Variants in SLC15A5 observed in about 807,000 individuals in gnomAD.
SLC15A5 encodes solute carrier family 15 member 5, also known as Peptide/histidine transporter ENSP00000340402.
SLC15A5 carries 58 observed loss-of-function variants against 56.1 expected under a neutral mutation model. The observed-to-expected ratio is 1.03, with a 90% CI of 0.84 to 1.29. SLC15A5 has a LOEUF of 1.29. Among genes scored for constraint, SLC15A5 ranks in the 50% most tolerant of loss-of-function variants. The pLI is 0.00. For missense variants in SLC15A5, 681 were observed against 672.1 expected (o/e 1.01, Z -0.15); for synonymous variants, 264 against 250.5 (o/e 1.05, Z -0.51).
chr12:16,189,312 C>T lies in SLC15A5; in HGVS notation c.*356G>A, dbSNP rs867109059. 6 of 158,630 alleles carry T rather than the reference C, an allele frequency of 3.8e-5. No homozygotes were observed. Among genetic ancestry groups the T allele is most frequent in the African/African-American group, 1.2e-4 (5 of 41,850 alleles). The allele number at this position is 158,630 out of a possible 1,614,324, so 9.8% of individuals were successfully genotyped here. ...AGTATATTAAAATACTGTCATTTTG[C>T]TTCTAATGACTCATTAAAACTCCAA... On this transcript the variant is annotated 3_prime_UTR_variant, in exon 9 of 9. Transcript: ENST00000344941.
At chr12:16,191,673 G>T (rs542503676) in intron 8 of SLC15A5, among the ~76,000 whole-genome samples, 1 of 151,992 alleles carries the variant, frequency 6.6e-6, no homozygotes, top group African/African-American at 2.4e-5. Context: ...GGAATCATGC[G>T]CTCCTCACTG....
At chr12:16,262,513 TAATGAAGAACATTA>T (rs1329146983) in intron 2 of SLC15A5, among the ~76,000 whole-genome samples, 2 of 152,218 alleles carry the variant, frequency 1.3e-5, no homozygotes, top group Non-Finnish European at 2.9e-5. Flanking sequence ...TTAAGAATTT[TAATGAAGAACATTA>T]AATGAAGAAC....
At chr12:16,255,090 G>A (rs1156724659) in intron 3 of SLC15A5, among the ~76,000 whole-genome samples, 6 of 151,982 alleles carry the variant, frequency 3.9e-5, no homozygotes, top group Admixed American at 3.9e-4. Flanking sequence ...ACATCACTAT[G>A]TACCTCGTAA....
At chr12:16,218,175 G>T (rs916790296) in intron 6 of SLC15A5, among the ~76,000 whole-genome samples, 3 of 152,130 alleles carry the variant, frequency 2.0e-5, no homozygotes, top group Non-Finnish European at 2.9e-5. Flanking sequence ...GATGCTAGAA[G>T]ATGGATACAG....
In SLC15A5 at chr12:16,189,334, C is replaced by T. The variant is rs995474819; in HGVS notation, c.*334G>A. The stretch of plus-strand genomic sequence containing the variant: ...TTGCTTCTAATGACTCATTAAAACT[C>T]CAAAAAAAAGGTCATACGCTTTCAA... On this transcript the variant is annotated 3_prime_UTR_variant, in exon 9 of 9. Coordinates refer to ENST00000344941, the MANE Select transcript of SLC15A5 (RefSeq NM_001170798.1). The T allele has an allele frequency of 3.6e-5, 6 of 165,572 alleles. No individual in the cohort carries two copies. Among genetic ancestry groups the T allele is most frequent in the Middle Eastern group, 2.6e-3 (1 of 380 alleles). 10.3% of individuals were successfully genotyped at this position (165,572 alleles called of 1,614,324 possible). A position where few individuals can be genotyped will look rare whatever the true frequency, so the allele number is the denominator to read the frequency against.
chr12:16,277,139 C>CACAA (rs1864828626), intron 1 of SLC15A5, among the ~76,000 whole-genome samples, 186 bp downstream of exon 1: 1 of 151,658 alleles, frequency 6.6e-6, no homozygotes. Context: ...AACACACACA[C>CACAA]ACACACACAC....
intron 6 of SLC15A5, among the ~76,000 whole-genome samples, chr12:16,218,284 A>G (rs1864150292): frequency 6.6e-6 from 1 of 152,200 alleles, no homozygotes; most frequent in African/African-American, 2.4e-5. Flanking sequence ...GAGTGGTTGA[A>G]TTACTGGATT....
chr12:16,191,971 C>T (rs1383471336), intron 8 of SLC15A5, among the ~76,000 whole-genome samples: 1 of 152,042 alleles, frequency 6.6e-6, no homozygotes, highest in South Asian at 2.1e-4. Flanking sequence ...TAGGAATTGT[C>T]AGAGAGCAAG....
rs749445395 is a variant in SLC15A5 at position 16,244,780 on chromosome 12, C to T, written c.775G>A (p.Val259Ile). The change falls in exon 4 of 9, where the codon GTT (valine) becomes ATT (isoleucine). Residue 259 changes from valine (V) to isoleucine (I), a missense_variant. Physicochemically the swap from Val to Ile is conservative, Grantham distance 29. Transcript: ENST00000344941. ...SEKRCSLLTG[V>I]GVLVSALKTC... ...TTCAGTGCACTAACCAACACCCCAA[C>T]GCCTGTCAGGAGAGAACAACCTGCA... 3.7e-5 allele frequency: 57 copies of T among 1,537,676 alleles called. No homozygotes were observed. Among genetic ancestry groups the T allele is most frequent in the Admixed American group, 5.9e-5 (3 of 50,978 alleles).
At chr12:16,228,490 C>G (rs1342843682) in intron 5 of SLC15A5, among the ~76,000 whole-genome samples, 1 of 152,222 alleles carries the variant, frequency 6.6e-6, no homozygotes, top group African/African-American at 2.4e-5. Flanking sequence ...GTGGTCCCCT[C>G]TCTTCCCCCT....
intron 2 of SLC15A5, among the ~76,000 whole-genome samples, chr12:16,260,780 T>G (rs1180172198): frequency 6.6e-6 from 1 of 152,002 alleles, no homozygotes; most frequent in Non-Finnish European, 1.5e-5. Flanking sequence ...AGATCACTTT[T>G]ATGGGTTTTG....
chr12:16,257,881 C>A lies in SLC15A5; in HGVS notation c.585-11G>T, dbSNP rs1443048883. 7 of 1,407,736 alleles carry A rather than the reference C, an allele frequency of 5.0e-6. No individual in the cohort carries two copies. Among genetic ancestry groups the A allele is most frequent in the Non-Finnish European group, 6.4e-6 (7 of 1,087,022 alleles). 87.2% of individuals were successfully genotyped at this position (1,407,736 alleles called of 1,614,324 possible). Reference sequence around the variant, plus strand: ...ATGAGCCAATAAAACCTGGGGTATACAGACAGACAAAAATAAAAATACCAT... The same window carrying A: ...ATGAGCCAATAAAACCTGGGGTATAAAGACAGACAAAAATAAAAATACCAT... On this transcript the variant is annotated splice_polypyrimidine_tract_variant and intron_variant, in intron 2 of 8. Transcript: ENST00000344941.
At chr12:16,227,178 G>A (rs1864250814) in intron 5 of SLC15A5, among the ~76,000 whole-genome samples, 1 of 152,038 alleles carries the variant, frequency 6.6e-6, no homozygotes, top group African/African-American at 2.4e-5. Flanking sequence ...TTTAAATTAA[G>A]GACTATAAAG....
chr12:16,256,727 C>T (rs937942179), intron 3 of SLC15A5, among the ~76,000 whole-genome samples: 1 of 151,784 alleles, frequency 6.6e-6, no homozygotes, highest in Non-Finnish European at 1.5e-5. Flanking sequence ...GGCGTGGTGG[C>T]GGGCACCTGT....
intron 5 of SLC15A5, among the ~76,000 whole-genome samples, chr12:16,227,598 GCAT>G (rs1864255126): frequency 6.6e-6 from 1 of 152,200 alleles, no homozygotes; most frequent in Non-Finnish European, 1.5e-5. Flanking sequence ...CGTTGTGAAA[GCAT>G]CAGACAGATT....
At chr12:16,191,536 T>C (rs1863838267) in intron 8 of SLC15A5, among the ~76,000 whole-genome samples, 1 of 152,106 alleles carries the variant, frequency 6.6e-6, no homozygotes, top group Admixed American at 6.6e-5. Context: ...TGAGATTAAA[T>C]ATGATTTGAC....
intron 7 of SLC15A5, among the ~76,000 whole-genome samples, chr12:16,215,481 T>G (rs547982892): frequency 6.6e-6 from 1 of 152,284 alleles, no homozygotes; most frequent in African/African-American, 2.4e-5. Flanking sequence ...TGAAAATGTT[T>G]CAGGTGTGAA....
rs1864345840 is a variant in SLC15A5, at chr12:16,235,604, CGAAT to C, written c.1162+4073_1162+4076del. On this transcript the variant is annotated intron_variant, in intron 5 of 8. Coordinates refer to ENST00000344941, the MANE Select transcript of SLC15A5 (RefSeq NM_001170798.1). The surrounding 1 kb of genome is among the most constrained non-coding windows in gnomAD (Gnocchi z 4.1). ...TGCTTATATCAAACAAATGTGCAACCGAATGAATGACTTATTCAGGCTAGATGTT... is the reference window on the plus strand; with the variant it reads ...TGCTTATATCAAACAAATGTGCAACCGAATGACTTATTCAGGCTAGATGTT... Among the ~76,000 whole-genome samples, 1 of 151,938 alleles carries C rather than the reference CGAAT, an allele frequency of 6.6e-6. No individual in the cohort carries two copies. Among genetic ancestry groups the C allele is most frequent in the South Asian group, 2.1e-4 (1 of 4,824 alleles).
chr12:16,254,746 G>A (rs1342960151), intron 3 of SLC15A5, among the ~76,000 whole-genome samples: 2 of 152,076 alleles, frequency 1.3e-5, no homozygotes, highest in East Asian at 3.9e-4. Context: ...AATAAGCCAA[G>A]AGAAAGTTAA....
Sources: allele counts gnomAD v4.1 joint callset (sites outside exome capture counted in the v4.1 genomes callset), GRCh38; gene constraint gnomAD v4.1.1; non-coding constraint Gnocchi (gnomAD v3.1); transcripts MANE v1.5; gene names NCBI Gene and HGNC (gene_info 2026-07-23, HGNC 2026-07-21).